Variants in HSD17B12 observed in about 807,000 individuals in gnomAD.
HSD17B12 encodes hydroxysteroid 17-beta dehydrogenase 12, also known as very-long-chain 3-oxoacyl-CoA reductase.
A neutral mutation model predicts 39.3 loss-of-function variants in HSD17B12; 32 were observed. That is an observed-to-expected ratio of 0.81 (90% CI 0.61 to 1.09). The LOEUF (loss-of-function observed/expected upper bound fraction) is 1.09, where lower values mean the gene tolerates loss of function less well. Ranked by LOEUF, HSD17B12 falls within the 50% of genes least tolerant of loss-of-function variation. The pLI is 0.00. For missense variants in HSD17B12, 342 were observed against 382.9 expected, an observed-to-expected ratio of 0.89 and a Z score of 0.89; for synonymous variants, 150 against 146.7, an observed-to-expected ratio of 1.02 and a Z score of -0.16.
chr11:43,635,093 A>T, the HSD17B12 span, among the ~76,000 whole-genome samples: 5 of 152,226 alleles, frequency 3.3e-5, no homozygotes, highest in African/African-American at 1.2e-4. Flanking sequence ...ACAGATGAAG[A>T]AAAGATGACA....
intron 3 of HSD17B12, among the ~76,000 whole-genome samples, chr11:43,769,002 C>G (rs908443752): frequency 1.3e-5 from 2 of 152,222 alleles, no homozygotes; most frequent in Admixed American, 6.5e-5. Flanking sequence ...CCCCACCAGA[C>G]TCAGAAGCTC....
At chr11:43,750,684 G>GA (rs1394874964) in intron 1 of HSD17B12, among the ~76,000 whole-genome samples, 5 of 152,186 alleles carry the variant, frequency 3.3e-5, no homozygotes, top group African/African-American at 1.2e-4. Context: ...AGCAATGTGT[G>GA]AGAGTCTAGT....
chr11:43,647,319 A>G, the HSD17B12 span, among the ~76,000 whole-genome samples: 1 of 152,172 alleles, frequency 6.6e-6, no homozygotes, highest in African/African-American at 2.4e-5. Context: ...TCTGTCACCC[A>G]GGCTGGAGTG....
intron 1 of HSD17B12, among the ~76,000 whole-genome samples, chr11:43,740,937 A>C (rs563865974): frequency 6.7e-4 from 102 of 152,374 alleles, no homozygotes; most frequent in Non-Finnish European, 1.1e-3. Context: ...TAACACATGA[A>C]GGATGGCCTC....
chr11:43,737,352 C>A (rs1380505162), intron 1 of HSD17B12, among the ~76,000 whole-genome samples: 1 of 152,192 alleles, frequency 6.6e-6, no homozygotes, highest in Non-Finnish European at 1.5e-5. Flanking sequence ...TTAACCTACA[C>A]AAACTAAAGT....
chr11:43,733,126 A>G (rs1020760840), intron 1 of HSD17B12, among the ~76,000 whole-genome samples: 1 of 152,252 alleles, frequency 6.6e-6, no homozygotes, highest in African/African-American at 2.4e-5. Flanking sequence ...ATTCAGCATT[A>G]TCAGATTAAT....
At chr11:43,698,710 G>A (rs546345208) in intron 1 of HSD17B12, among the ~76,000 whole-genome samples, 55 of 152,292 alleles carry the variant, frequency 3.6e-4, no homozygotes, top group African/African-American at 1.2e-3. Context: ...TTGGAAGCGT[G>A]GTAGAAAGTA....
chr11:43,683,394 T>C (rs1412651461), intron 1 of HSD17B12, among the ~76,000 whole-genome samples: 1 of 149,074 alleles, frequency 6.7e-6, no homozygotes, highest in Admixed American at 6.7e-5. Flanking sequence ...GGTTTTGGAT[T>C]TTTTTTTTTT....
chr11:43,625,035 C>T, the HSD17B12 span, among the ~76,000 whole-genome samples: 1 of 151,680 alleles, frequency 6.6e-6, no homozygotes, highest in African/African-American at 2.4e-5. Flanking sequence ...TACTGCTCTA[C>T]ATAAATGTTC....
At chr11:43,604,576 A>G in the HSD17B12 span, among the ~76,000 whole-genome samples, 2 of 152,238 alleles carry the variant, frequency 1.3e-5, no homozygotes, top group African/African-American at 2.4e-5. Context: ...CTGAAACACA[A>G]AATGGGAAAA....
At chr11:43,591,088 G>A in the HSD17B12 span, among the ~76,000 whole-genome samples, 2 of 151,954 alleles carry the variant, frequency 1.3e-5, no homozygotes, top group Non-Finnish European at 2.9e-5. Context: ...TTAAATAAAA[G>A]AGGAAAAGTT....
At chr11:43,560,548 G>C in the HSD17B12 span, among the ~76,000 whole-genome samples, 1 of 152,114 alleles carries the variant, frequency 6.6e-6, no homozygotes, top group African/African-American at 2.4e-5. Context: ...TGTGTCCCCC[G>C]TCTGTGTAGT....
At chr11:43,714,874 C>T (rs146195506) in intron 1 of HSD17B12, among the ~76,000 whole-genome samples, 8 of 152,110 alleles carry the variant, frequency 5.3e-5, no homozygotes, top group South Asian at 2.1e-4. Context: ...GTATTTTATT[C>T]TCTTTGAAGC....
the HSD17B12 span, among the ~76,000 whole-genome samples, chr11:43,602,773 AT>A: frequency 6.6e-6 from 1 of 151,906 alleles, no homozygotes; most frequent in Non-Finnish European, 1.5e-5. Context: ...GTAATTGTGG[AT>A]TTATGCACCA....
chr11:43,768,418 A>C (rs1950616942), intron 3 of HSD17B12, among the ~76,000 whole-genome samples: 1 of 152,176 alleles, frequency 6.6e-6, no homozygotes, highest in South Asian at 2.1e-4. Flanking sequence ...ACAGTAGCAC[A>C]ATCTTGGTTC....
At chr11:43,619,020 A>G in the HSD17B12 span, among the ~76,000 whole-genome samples, 2 of 151,496 alleles carry the variant, frequency 1.3e-5, no homozygotes, top group African/African-American at 2.4e-5. Context: ...AAAGATGTGC[A>G]GAAGTAACAA....
chr11:43,779,515 A>G (rs1482911768), intron 3 of HSD17B12, among the ~76,000 whole-genome samples: 1 of 152,156 alleles, frequency 6.6e-6, no homozygotes, highest in Non-Finnish European at 1.5e-5. Flanking sequence ...ACCCAGATTC[A>G]TCTGTCTTCC....
intron 1 of HSD17B12, among the ~76,000 whole-genome samples, chr11:43,697,812 G>A (rs983707469): frequency 6.6e-6 from 1 of 152,200 alleles, no homozygotes; most frequent in African/African-American, 2.4e-5. Flanking sequence ...AGAGGCAATA[G>A]ATAAGACTAG....
intron 1 of HSD17B12, among the ~76,000 whole-genome samples, chr11:43,709,619 T>C (rs1173179858): frequency 6.6e-6 from 1 of 152,218 alleles, no homozygotes; most frequent in African/African-American, 2.4e-5. Context: ...TGGATTTTTT[T>C]CTCCCCTAGA....
Sources: allele counts gnomAD v4.1 joint callset (sites outside exome capture counted in the v4.1 genomes callset), GRCh38; gene constraint gnomAD v4.1.1; transcripts MANE v1.5; gene names NCBI Gene and HGNC (gene_info 2026-07-23, HGNC 2026-07-21).